Variants in SEC14L5 observed in about 807,000 individuals in gnomAD.
SEC14L5 encodes the protein SEC14 like lipid binding 5, also known as SEC14-like protein 5.
Under a neutral mutation model 84.6 loss-of-function variants are expected in SEC14L5, and 96 were observed. That is an observed-to-expected ratio of 1.13 (90% confidence interval 0.96 to 1.34). SEC14L5 has a LOEUF of 1.34. SEC14L5 is among the 40% of genes most tolerant of loss of function. SEC14L5 has a pLI of 0.00. For missense variants in SEC14L5, 1,224 were observed against 942.5 expected (o/e 1.30, Z -3.91); for synonymous variants, 546 against 383.4 (o/e 1.42, Z -4.95).
intron 6 of SEC14L5, among the ~76,000 whole-genome samples, chr16:4,992,985 G>GTCT (rs1460110027): frequency 6.6e-6 from 1 of 151,884 alleles, no homozygotes; most frequent in Non-Finnish European, 1.5e-5. Context: ...CAGTGCCTAT[G>GTCT]TCTTCTTTTC....
At chr16:5,001,204 C>T (rs924437948) in intron 10 of SEC14L5, among the ~76,000 whole-genome samples, 10 of 150,578 alleles carry the variant, frequency 6.6e-5, no homozygotes, top group Admixed American at 1.3e-4. Flanking sequence ...GCTTCTAGCT[C>T]GAAGACTTTA....
Position 4,963,347 on chromosome 16 carries a change from C to A in SEC14L5, c.63+3961C>A, listed in dbSNP as rs564630418. On this transcript the variant is annotated intron_variant, in intron 2 of 15. Coordinates refer to ENST00000251170, the MANE Select transcript of SEC14L5 (RefSeq NM_014692.2). ...TCTAGGGTATCTTTCCTCCTCCCAA[C>A]TATTTTTTTTTTAAGATGGAGTCTC... Among the ~76,000 whole-genome samples the A allele has an allele frequency of 5.3e-5, 8 of 152,236 alleles. 1 individual carries two copies. In the East Asian group the frequency reaches 1.5e-3, roughly 29 times the overall value.
At chr16:4,986,142 CTTT>C (rs760379850) in intron 2 of SEC14L5, among the ~76,000 whole-genome samples, 2 of 143,348 alleles carry the variant, frequency 1.4e-5, no homozygotes, top group Admixed American at 7.1e-5. Flanking sequence ...TCTTCTTCTT[CTTT>C]TTTTTTTTTT....
chr16:4,968,062 A>G (rs1184024081), intron 2 of SEC14L5, among the ~76,000 whole-genome samples: 1 of 148,556 alleles, frequency 6.7e-6, no homozygotes, highest in Non-Finnish European at 1.5e-5. Context: ...TCTGTTACTC[A>G]AGCTGGAGTG....
chr16:4,973,015 A>G (rs1231756514), intron 2 of SEC14L5, among the ~76,000 whole-genome samples: 1 of 152,238 alleles, frequency 6.6e-6, no homozygotes, highest in Non-Finnish European at 1.5e-5. Flanking sequence ...AGCACTGCAA[A>G]TTCAGGGATG....
In SEC14L5 at chr16:4,988,103, T is replaced by C. The variant is rs758708338; in HGVS notation, c.214-46T>C. 1.1e-5 allele frequency: 18 copies of C among 1,607,156 alleles called. No homozygotes were observed. In the South Asian group the frequency reaches 1.8e-4, roughly 16 times the overall value. On this transcript the variant is annotated intron_variant, in intron 3 of 15. Transcript: ENST00000251170. Reference sequence around the variant, plus strand: ...GGACTCGCTCTCCATTCCTGTGTGCTCCACGCCGCCCACCCACCTCCGCCT... The same window carrying C: ...GGACTCGCTCTCCATTCCTGTGTGCCCCACGCCGCCCACCCACCTCCGCCT...
intron 8 of SEC14L5, 90 bp from the exon 9 acceptor site, chr16:5,000,565 G>C: frequency 1.0e-6 from 1 of 979,396 alleles, no homozygotes; most frequent in East Asian, 2.6e-5. Flanking sequence ...GCCTGAGGAG[G>C]TGAAGCTCTC....
At chr16:4,967,170 A>G (rs1955210881) in intron 2 of SEC14L5, among the ~76,000 whole-genome samples, 1 of 152,196 alleles carries the variant, frequency 6.6e-6, no homozygotes, top group South Asian at 2.1e-4. Context: ...GCCTGAATTC[A>G]AGGTGTGGGC....
At position 5,011,497 on chromosome 16, in the gene SEC14L5, A is replaced by G. The variant is rs113779121; in HGVS notation, c.1979+224A>G. Among the ~76,000 whole-genome samples the G allele has an allele frequency of 3.2e-4, 48 of 152,304 alleles. No homozygotes were observed. The East Asian group carries it at 7.9e-3, about 25-fold the overall frequency. On this transcript the variant is annotated intron_variant, in intron 15 of 15. Coordinates refer to ENST00000251170, the MANE Select transcript of SEC14L5 (RefSeq NM_014692.2). ...CTTCCGAAGCAGGGATTTTCCTTCA[A>G]ATGAAACCTTGGGCAGAAGCTCAAC...
At chr16:4,975,428 A>G (rs576147887) in intron 2 of SEC14L5, among the ~76,000 whole-genome samples, 4 of 138,826 alleles carry the variant, frequency 2.9e-5, no homozygotes, top group Admixed American at 8.1e-5. Flanking sequence ...AGTCGAGATC[A>G]TGCCACTGCA....
At chr16:4,974,375 A>G (rs1390513947) in intron 2 of SEC14L5, among the ~76,000 whole-genome samples, 1 of 150,742 alleles carries the variant, frequency 6.6e-6, no homozygotes, top group Non-Finnish European at 1.5e-5. Flanking sequence ...CTAGTTTTTT[A>G]TTTTTATTTT....
intron 2 of SEC14L5, among the ~76,000 whole-genome samples, chr16:4,967,561 CGTTTTTTTTTTTTTTT>C (rs1255744736): frequency 1.2e-5 from 1 of 86,272 alleles, no homozygotes; most frequent in African/African-American, 4.6e-5. Flanking sequence ...TTCTTTCTTT[CGTTTTTTTTTTTTTTT>C]TTTTTTTTTT....
chr16:5,007,243 G>T, intron 12 of SEC14L5, 109 bp from the exon 13 acceptor site: 1 of 921,878 alleles, frequency 1.1e-6, no homozygotes, highest in Non-Finnish European at 1.7e-6. Flanking sequence ...CATTCAGTAA[G>T]GGGTTGCAAT....
At position 5,008,490 on chromosome 16, in the gene SEC14L5, G is replaced by C; in HGVS notation, c.1642G>C (p.Val548Leu). The stretch of plus-strand genomic sequence containing the variant: ...CTTTGACATCCTGCGAGGGGACGTG[G>C]TGTTCAGCCTGTACCACACCAAGCA... Reference protein sequence around the residue: ...WDFDILRGDVVFSLYHTKQAP... With the variant: ...WDFDILRGDVLFSLYHTKQAP... Residue 548 changes from valine to leucine, a missense_variant, in exon 14 of 16, where the codon GTG becomes CTG. Physicochemically the swap from Val to Leu is conservative, Grantham distance 32. Transcript: ENST00000251170. 8 of 1,613,666 alleles carry C rather than the reference G, an allele frequency of 5.0e-6. No individual in the cohort carries two copies. Among genetic ancestry groups the C allele is most frequent in the Non-Finnish European group, 6.8e-6 (8 of 1,179,816 alleles).
chr16:5,002,700 C>T lies in SEC14L5; in HGVS notation c.1131-702C>T, dbSNP rs568237558. On this transcript the variant is annotated intron_variant, in intron 10 of 15. Coordinates refer to ENST00000251170, the MANE Select transcript of SEC14L5 (RefSeq NM_014692.2). ...GAGGTGGAGGCTCCCGGGCACCAGC[C>T]GCTGCAGTCAAACAGTTATTTTCCT... Among the ~76,000 whole-genome samples the T allele has an allele frequency of 6.6e-5, 10 of 152,154 alleles. No individual in the cohort carries two copies. In the East Asian group the frequency reaches 1.4e-3, roughly 21 times the overall value.
In SEC14L5 at chr16:5,001,850, G is replaced by T. The variant is rs375735402; in HGVS notation, c.1130+925G>T. On this transcript the variant is annotated intron_variant, in intron 10 of 15. Transcript: ENST00000251170. The stretch of plus-strand genomic sequence containing the variant: ...TGCAGTGGTGCAATCACAGCTCACT[G>T]CGGCCTTGACCTGCTGGGCTCAAGC... 1.1e-3 allele frequency among the ~76,000 whole-genome samples: 162 copies of T among 151,798 alleles called. 1 individual carries two copies. The highest frequency in any genetic ancestry group is 3.7e-3 in the African/African-American group (154 of 41,372).
intron 2 of SEC14L5, among the ~76,000 whole-genome samples, chr16:4,983,633 T>C (rs1308982873): frequency 7.3e-5 from 11 of 151,526 alleles, no homozygotes; most frequent in Admixed American, 7.2e-4. Flanking sequence ...TCCCAGCACT[T>C]TGGGAGGCCG....
intron 11 of SEC14L5, 51 bp downstream of exon 11, chr16:5,003,624 G>GGGGGGGTGCCCC: frequency 3.3e-6 from 1 of 305,312 alleles, no homozygotes; most frequent in East Asian, 1.0e-4. Flanking sequence ...GGTGGGATGG[G>GGGGGGGTGCCCC]AGGGGTTCCG....
At chr16:5,012,659 C>T (rs1330580725) in intron 15 of SEC14L5, among the ~76,000 whole-genome samples, 1 of 152,240 alleles carries the variant, frequency 6.6e-6, no homozygotes, top group African/African-American at 2.4e-5. Context: ...AATCCCAGCA[C>T]TTTGGGAAGC....
Sources: gnomAD v4.1 joint callset for allele counts (sites outside exome capture counted in the v4.1 genomes callset) on GRCh38, gnomAD v4.1.1 for gene constraint, MANE v1.5 for transcripts, NCBI Gene and HGNC (gene_info 2026-07-23, HGNC 2026-07-21) for gene names.